CAMK2D: variants seen among roughly 807,000 people sequenced by gnomAD.
CAMK2D encodes calcium/calmodulin-dependent protein kinase type II subunit delta.
Under a neutral mutation model 84.0 loss-of-function variants are expected in CAMK2D, and 37 were observed. That is an observed-to-expected ratio of 0.44 (90% confidence interval 0.34 to 0.58). The LOEUF (loss-of-function observed/expected upper bound fraction) is 0.58. CAMK2D is among the 20% of genes least tolerant of loss of function. The pLI, the probability that CAMK2D is intolerant of heterozygous loss-of-function variation, is 0.02. For synonymous variants in CAMK2D, 202 were observed against 212.5 expected, an observed-to-expected ratio of 0.95 and a Z score of 0.43; for missense variants, 448 against 652.5, an observed-to-expected ratio of 0.69 and a Z score of 3.41.
intron 4 of CAMK2D, among the ~76,000 whole-genome samples, chr4:113,582,507 A>C (rs532622651): frequency 2.0e-4 from 30 of 152,326 alleles, no homozygotes; most frequent in South Asian, 2.1e-4. Context: ...ACTCATATCT[A>C]AAAATTCTGA....
chr4:113,592,307 CTT>C (rs1360397992), intron 4 of CAMK2D, among the ~76,000 whole-genome samples: 1 of 152,168 alleles, frequency 6.6e-6, no homozygotes, highest in African/African-American at 2.4e-5. Flanking sequence ...GACTGCTAAA[CTT>C]AGCCTAACAT....
chr4:113,487,693 G>T (rs1404410836), intron 16 of CAMK2D, among the ~76,000 whole-genome samples: 2 of 152,090 alleles, frequency 1.3e-5, no homozygotes, highest in Admixed American at 6.5e-5. Flanking sequence ...GGATATTCAG[G>T]TTGGTGAACA....
chr4:113,481,301 G>A (rs1012339795), intron 16 of CAMK2D, among the ~76,000 whole-genome samples: 1 of 151,990 alleles, frequency 6.6e-6, no homozygotes, highest in Non-Finnish European at 1.5e-5. Context: ...CACTATTCTA[G>A]ATACTATGAA....
At chr4:113,626,830 TA>T (rs1211938262) in intron 3 of CAMK2D, among the ~76,000 whole-genome samples, 2 of 152,014 alleles carry the variant, frequency 1.3e-5, no homozygotes, top group African/African-American at 4.8e-5. Context: ...CACAATGTTT[TA>T]AAAAAAACTC....
chr4:113,753,160 T>C (rs769294886), intron 2 of CAMK2D, among the ~76,000 whole-genome samples: 1 of 152,064 alleles, frequency 6.6e-6, no homozygotes, highest in Non-Finnish European at 1.5e-5. Context: ...TTTTTTAAAA[T>C]GGACATAATA....
intron 18 of CAMK2D, among the ~76,000 whole-genome samples, chr4:113,459,616 G>T (rs189480969): frequency 6.2e-4 from 93 of 150,170 alleles, no homozygotes; most frequent in Non-Finnish European, 1.1e-3. Context: ...CAACTTGCTT[G>T]AAGTGTATTC....
chr4:113,699,239 T>C (rs4502683), intron 2 of CAMK2D, among the ~76,000 whole-genome samples: 31,623 of 152,038 alleles, frequency 0.21, 6,618 homozygotes, highest in African/African-American at 0.54. Context: ...AAAAACCATA[T>C]GAAAAATGGC....
intron 2 of CAMK2D, among the ~76,000 whole-genome samples, chr4:113,712,889 C>T (rs1355884491): frequency 2.6e-5 from 4 of 151,908 alleles, no homozygotes; most frequent in Non-Finnish European, 5.9e-5. Context: ...GTATAAGTCC[C>T]ATGCATGTTT....
At chr4:113,692,290 T>G (rs2099389186) in intron 2 of CAMK2D, among the ~76,000 whole-genome samples, 1 of 152,154 alleles carries the variant, frequency 6.6e-6, no homozygotes, top group African/African-American at 2.4e-5. Flanking sequence ...TAACATCAAT[T>G]TGATATCGTT....
intron 3 of CAMK2D, among the ~76,000 whole-genome samples, chr4:113,648,163 G>T (rs2154299417): frequency 6.6e-6 from 1 of 152,240 alleles, no homozygotes; most frequent in Non-Finnish European, 1.5e-5. Context: ...ATTGTAAAAA[G>T]AAGCCTATAC....
intron 6 of CAMK2D, among the ~76,000 whole-genome samples, chr4:113,547,405 C>T (rs1193910403): frequency 6.6e-6 from 1 of 152,116 alleles, no homozygotes; most frequent in African/African-American, 2.4e-5. Context: ...AATATAGCAT[C>T]CTATTTATTG....
chr4:113,587,365 T>C (rs974955338), intron 4 of CAMK2D, among the ~76,000 whole-genome samples: 20 of 152,214 alleles, frequency 1.3e-4, no homozygotes, highest in Non-Finnish European at 2.9e-4. Context: ...TAAAGGCAAT[T>C]CAGTAACATG....
chr4:113,493,452 A>G (rs1364086365), intron 16 of CAMK2D, among the ~76,000 whole-genome samples: 1 of 151,912 alleles, frequency 6.6e-6, no homozygotes, highest in Non-Finnish European at 1.5e-5. Context: ...CTTTTCTTTA[A>G]GAATGTTGAA....
chr4:113,656,806 C>A (rs1479253619), intron 3 of CAMK2D, among the ~76,000 whole-genome samples: 2 of 152,102 alleles, frequency 1.3e-5, no homozygotes, highest in Non-Finnish European at 2.9e-5. Flanking sequence ...TCTTGCCTGA[C>A]AAAACGCTCT....
At chr4:113,507,240 A>G (rs1034361080) in intron 13 of CAMK2D, among the ~76,000 whole-genome samples, 2 of 151,688 alleles carry the variant, frequency 1.3e-5, no homozygotes, top group Non-Finnish European at 2.9e-5. Flanking sequence ...TATAGGTTCA[A>G]CCACAAATGT....
chr4:113,462,319 T>C (rs2097395030), intron 17 of CAMK2D, among the ~76,000 whole-genome samples: 1 of 144,946 alleles, frequency 6.9e-6, no homozygotes. Flanking sequence ...TGTCTGTCTG[T>C]CTGTCTGTCT....
intron 2 of CAMK2D, among the ~76,000 whole-genome samples, chr4:113,737,869 G>A (rs976340408): frequency 6.6e-6 from 1 of 152,088 alleles, no homozygotes; most frequent in African/African-American, 2.4e-5. Flanking sequence ...ATGAGAATAT[G>A]CATTGGGAAA....
At position 113,761,685 on chromosome 4, in the gene CAMK2D, G is replaced by A. The variant is rs1244164692; in HGVS notation, c.-617C>T. ...TCCGGCGAAGCGAGGCACCTTGGCG[G>A]CCTCGCGCTGCTCACGAGCCCGCGC... On this transcript the variant is annotated 5_prime_UTR_variant, in exon 1 of 21. Transcript: ENST00000511664. The A allele has an allele frequency of 3.1e-6, 3 of 982,452 alleles. No individual in the cohort carries two copies. The highest frequency in any genetic ancestry group is 4.7e-5 in the South Asian group (1 of 21,238). 60.9% of individuals were successfully genotyped at this position (982,452 alleles called of 1,614,324 possible). A position where few individuals can be genotyped will look rare whatever the true frequency, so the allele number is the denominator to read the frequency against.
At chr4:113,633,581 G>A (rs970034055) in intron 3 of CAMK2D, among the ~76,000 whole-genome samples, 1 of 152,140 alleles carries the variant, frequency 6.6e-6, no homozygotes, top group Non-Finnish European at 1.5e-5. Context: ...GGGAATTAAT[G>A]TCACAGTATA....
Sources: allele counts gnomAD v4.1 joint callset (sites outside exome capture counted in the v4.1 genomes callset), GRCh38; gene constraint gnomAD v4.1.1; transcripts MANE v1.5; gene names NCBI Gene and HGNC (gene_info 2026-07-23, HGNC 2026-07-21).